The following SNTB2 variants were observed in gnomAD, a reference collection of about 807,000 sequenced individuals.
SNTB2 encodes beta-2-syntrophin.
SNTB2 carries 34 observed loss-of-function variants against 46.2 expected under a neutral mutation model. The observed-to-expected ratio is 0.74, with a 90% CI of 0.56 to 0.98. The LOEUF (loss-of-function observed/expected upper bound fraction) is 0.98, where lower values mean the gene tolerates loss of function less well. Among genes scored for constraint, SNTB2 ranks in the 50% least tolerant of loss-of-function variants. The pLI, the probability that SNTB2 is intolerant of heterozygous loss-of-function variation, is 0.00. For missense variants in SNTB2, 603 were observed against 731.4 expected (o/e 0.82, Z 2.02); for synonymous variants, 290 against 312.6 (o/e 0.93, Z 0.76).
intron 2 of SNTB2, among the ~76,000 whole-genome samples, chr16:69,256,483 A>G (rs1311764299): frequency 1.3e-5 from 2 of 151,912 alleles, no homozygotes; most frequent in East Asian, 3.9e-4. Flanking sequence ...AAAACTCCCC[A>G]TTTCACCCTT....
chr16:69,239,941 G>C (rs1170808566), intron 1 of SNTB2, among the ~76,000 whole-genome samples: 1 of 152,130 alleles, frequency 6.6e-6, no homozygotes, highest in African/African-American at 2.4e-5. Flanking sequence ...ATTCATCCAA[G>C]TTACTGAGTT....
rs190247113 is a variant in SNTB2 at position 69,276,772 on chromosome 16, G to C, written c.1148+6487G>C. Among the ~76,000 whole-genome samples, 247 of 152,154 alleles carry C rather than the reference G, an allele frequency of 1.6e-3. 1 individual carries two copies. The highest frequency in any genetic ancestry group is 5.6e-3 in the African/African-American group (233 of 41,492). ...TTGTTGATATTTACACTGAGGATGT[G>C]TAAAATTGCTGGCACCTTAGCATGA... is the stretch of plus-strand genomic sequence containing the variant. On this transcript the variant is annotated intron_variant, in intron 4 of 6. Transcript: ENST00000336278.
At chr16:69,271,482 C>A (rs1407619379) in intron 4 of SNTB2, among the ~76,000 whole-genome samples, 1 of 152,218 alleles carries the variant, frequency 6.6e-6, no homozygotes, top group Non-Finnish European at 1.5e-5. Flanking sequence ...CATCTCAGCA[C>A]TTCCCACAAT....
At chr16:69,292,927 C>T (rs1965188680) in intron 5 of SNTB2, among the ~76,000 whole-genome samples, 5 of 151,982 alleles carry the variant, frequency 3.3e-5, no homozygotes, top group Admixed American at 3.3e-4. Flanking sequence ...ACCCCACAAC[C>T]CCCAACTTAG....
intron 2 of SNTB2, among the ~76,000 whole-genome samples, chr16:69,259,220 C>G (rs1325427248): frequency 6.7e-6 from 1 of 149,046 alleles, no homozygotes; most frequent in East Asian, 2.0e-4. Context: ...GTAACTAGCC[C>G]AAGTTGGTCT....
chr16:69,235,703 C>CA, intron 1 of SNTB2: 1 of 1,283,412 alleles, frequency 7.8e-7, no homozygotes, highest in African/African-American at 1.5e-5. Flanking sequence ...GCTGTATCCC[C>CA]AGGGCTAACA....
intron 5 of SNTB2, among the ~76,000 whole-genome samples, chr16:69,290,485 A>G (rs1343788362): frequency 6.6e-6 from 1 of 152,152 alleles, no homozygotes; most frequent in Non-Finnish European, 1.5e-5. Context: ...AAGAGAAGAA[A>G]AACAGGCATT....
intron 4 of SNTB2, among the ~76,000 whole-genome samples, chr16:69,278,742 C>T (rs887805615): frequency 9.9e-5 from 15 of 152,228 alleles, no homozygotes; most frequent in Non-Finnish European, 2.2e-4. Context: ...AGGCATGAGC[C>T]ACCACACCCA....
rs1348530370 is a variant in SNTB2, at chr16:69,292,397, T to TAAA, written c.1346-7192_1346-7191insAAA. ...ATATATATTATATATATATTATATA[T>TAAA]ATATATATATTATATATATATTATA... On this transcript the variant is annotated intron_variant, in intron 5 of 6. Transcript: ENST00000336278. 1.8e-4 allele frequency among the ~76,000 whole-genome samples: 5 copies of TAAA among 28,454 alleles called. 1 individual carries two copies. Among genetic ancestry groups the TAAA allele is most frequent in the Non-Finnish European group, 2.8e-4 (5 of 18,038 alleles). The allele number at this position is 28,454 out of a possible 152,430, so 18.7% of individuals were successfully genotyped here.
intron 4 of SNTB2, among the ~76,000 whole-genome samples, chr16:69,273,940 A>G (rs192647467): frequency 6.6e-6 from 1 of 152,288 alleles, no homozygotes; most frequent in East Asian, 1.9e-4. Flanking sequence ...ACACATTGTA[A>G]CTGCTCAAGT....
At chr16:69,269,803 C>T (rs766661082) in intron 3 of SNTB2, among the ~76,000 whole-genome samples, 2 of 151,710 alleles carry the variant, frequency 1.3e-5, no homozygotes, top group Admixed American at 6.6e-5. Flanking sequence ...ATTGGCCAGA[C>T]GTGTGGCTCA....
intron 1 of SNTB2, among the ~76,000 whole-genome samples, chr16:69,236,687 AAGCAGC>A (rs1043738371): frequency 1.3e-5 from 2 of 151,728 alleles, no homozygotes; most frequent in African/African-American, 4.8e-5. Context: ...AAAAAAAAAA[AAGCAGC>A]AGCAGCAGCA....
intron 1 of SNTB2, among the ~76,000 whole-genome samples, chr16:69,216,963 G>A (rs1230988137): frequency 6.6e-6 from 1 of 152,064 alleles, no homozygotes; most frequent in Non-Finnish European, 1.5e-5. Context: ...ACTTCCAATG[G>A]CTCAAAAACG....
At chr16:69,210,523 C>T (rs906526938) in intron 1 of SNTB2, among the ~76,000 whole-genome samples, 3 of 149,286 alleles carry the variant, frequency 2.0e-5, no homozygotes, top group African/African-American at 7.4e-5. Context: ...CAGGCATGAG[C>T]CACCGCGCCC....
At chr16:69,273,483 C>T (rs1207701095) in intron 4 of SNTB2, among the ~76,000 whole-genome samples, 2 of 152,096 alleles carry the variant, frequency 1.3e-5, no homozygotes, top group South Asian at 2.1e-4. Flanking sequence ...CAGAAACAAC[C>T]ACATACTGTA....
intron 3 of SNTB2, among the ~76,000 whole-genome samples, chr16:69,264,366 CA>C (rs1964865598): frequency 6.6e-6 from 1 of 152,078 alleles, no homozygotes; most frequent in Non-Finnish European, 1.5e-5. Flanking sequence ...CATTCCCTGA[CA>C]AATAATGACA....
At chr16:69,188,152 A>G (rs1403131258) in intron 1 of SNTB2, among the ~76,000 whole-genome samples, 1 of 152,042 alleles carries the variant, frequency 6.6e-6, no homozygotes, top group Non-Finnish European at 1.5e-5. Context: ...AAAAAAAAAA[A>G]AAAGTCCATC....
At chr16:69,195,983 G>A (rs559738275) in intron 1 of SNTB2, among the ~76,000 whole-genome samples, 2 of 152,290 alleles carry the variant, frequency 1.3e-5, no homozygotes, top group East Asian at 3.9e-4. Flanking sequence ...GCTCACACCT[G>A]TAATCCCAGC....
At chr16:69,289,828 A>G (rs998750986) in intron 5 of SNTB2, among the ~76,000 whole-genome samples, 3 of 152,244 alleles carry the variant, frequency 2.0e-5, no homozygotes. Flanking sequence ...AGGCTGAGGT[A>G]GGAGGGTTGC....
Sources: allele counts gnomAD v4.1 joint callset (sites outside exome capture counted in the v4.1 genomes callset), GRCh38; gene constraint gnomAD v4.1.1; transcripts MANE v1.5; gene names NCBI Gene and HGNC (gene_info 2026-07-23, HGNC 2026-07-21).